LSAMP: variants seen among roughly 807,000 people sequenced by gnomAD.
LSAMP encodes the protein limbic system associated membrane protein, also known as limbic system-associated membrane protein.
A neutral mutation model predicts 38.6 loss-of-function variants in LSAMP; 7 were observed. That is an observed-to-expected ratio of 0.18 (90% CI 0.10 to 0.34). The LOEUF (loss-of-function observed/expected upper bound fraction) is 0.34, where lower values mean the gene tolerates loss of function less well. Among genes scored for constraint, LSAMP ranks in the 10% least tolerant of loss-of-function variants. The pLI is 1.00. For missense variants in LSAMP, 313 were observed against 420.0 expected (o/e 0.75, Z 2.23); for synonymous variants, 154 against 166.8 (o/e 0.92, Z 0.59).
intron 3 of LSAMP, among the ~76,000 whole-genome samples, chr3:115,873,378 GAAAAAAA>G (rs61243191): frequency 8.4e-6 from 1 of 119,380 alleles, no homozygotes; most frequent in South Asian, 2.7e-4. Flanking sequence ...GTGAGGCTCT[GAAAAAAA>G]AAAAAAAAAG....
intron 1 of LSAMP, among the ~76,000 whole-genome samples, chr3:116,184,676 T>C (rs1378166448): frequency 6.6e-6 from 1 of 151,972 alleles, no homozygotes; most frequent in Non-Finnish European, 1.5e-5. Flanking sequence ...GCTAACAGAC[T>C]CAGTTAACTG....
At position 115,828,694 on chromosome 3, in the gene LSAMP, C is replaced by A. The variant is rs527896253; in HGVS notation, c.919+13151G>T. ...GCTTTATTCCTTTTAATTAAAAAGA[C>A]AAGACTGCCAATTACTTAAACCTAA... is the stretch of plus-strand genomic sequence containing the variant. On this transcript the variant is annotated intron_variant, in intron 6 of 6. Coordinates refer to ENST00000490035, the MANE Select transcript of LSAMP (RefSeq NM_002338.5). Among the ~76,000 whole-genome samples, 4 of 152,324 alleles carry A rather than the reference C, an allele frequency of 2.6e-5. No individual in the cohort carries two copies. In the South Asian group the frequency reaches 8.3e-4, roughly 32 times the overall value.
chr3:116,308,015 T>A (rs1248620896), intron 1 of LSAMP, among the ~76,000 whole-genome samples: 1 of 151,970 alleles, frequency 6.6e-6, no homozygotes, highest in Non-Finnish European at 1.5e-5. Context: ...AGATGTTTAA[T>A]GCATTCGTAA....
At chr3:115,953,983 C>A (rs949148207) in intron 3 of LSAMP, among the ~76,000 whole-genome samples, 13 of 152,140 alleles carry the variant, frequency 8.5e-5, no homozygotes, top group Middle Eastern at 3.2e-3. Flanking sequence ...AAAGCAAATG[C>A]CCCTGCACTC....
intron 1 of LSAMP, among the ~76,000 whole-genome samples, chr3:116,234,175 T>C (rs1189892391): frequency 1.3e-5 from 2 of 152,224 alleles, no homozygotes; most frequent in East Asian, 1.9e-4. Flanking sequence ...TTTTCTGTTG[T>C]ATATGTTGAA....
At chr3:116,232,091 C>T (rs2046407871) in intron 1 of LSAMP, among the ~76,000 whole-genome samples, 1 of 152,198 alleles carries the variant, frequency 6.6e-6, no homozygotes, top group Non-Finnish European at 1.5e-5. Context: ...AAAGTCAGGG[C>T]TCTAGTCTTG....
intron 1 of LSAMP, among the ~76,000 whole-genome samples, chr3:116,161,919 A>G (rs1354253191): frequency 1.3e-5 from 2 of 152,004 alleles, no homozygotes; most frequent in African/African-American, 4.8e-5. Context: ...ACGTAGATTC[A>G]ATAGATGGAG....
At chr3:116,241,033 C>T (rs1179898459) in intron 1 of LSAMP, among the ~76,000 whole-genome samples, 11 of 151,928 alleles carry the variant, frequency 7.2e-5, no homozygotes, top group South Asian at 4.1e-4. Flanking sequence ...AACAATTAGC[C>T]GGGCATGGTG....
At chr3:116,406,891 T>A in intron 1 of LSAMP, among the ~76,000 whole-genome samples, 1 of 151,284 alleles carries the variant, frequency 6.6e-6, no homozygotes, top group East Asian at 1.9e-4. Flanking sequence ...TAGAAAGAGG[T>A]AAAAAGAGAA....
At chr3:115,915,413 A>C (rs1937228715) in intron 3 of LSAMP, among the ~76,000 whole-genome samples, 1 of 152,332 alleles carries the variant, frequency 6.6e-6, no homozygotes, top group South Asian at 2.1e-4. Flanking sequence ...TTTGATATCA[A>C]CTAGGTCAGT....
At chr3:116,313,597 T>C (rs893665244) in intron 1 of LSAMP, among the ~76,000 whole-genome samples, 1 of 152,180 alleles carries the variant, frequency 6.6e-6, no homozygotes, top group African/African-American at 2.4e-5. Flanking sequence ...AGGTCAAGGT[T>C]GGTTCATAGG....
At chr3:116,396,155 T>G (rs2048764226) in intron 1 of LSAMP, among the ~76,000 whole-genome samples, 1 of 152,212 alleles carries the variant, frequency 6.6e-6, no homozygotes, top group Non-Finnish European at 1.5e-5. Context: ...CAGGCTGATT[T>G]ACTGAAAACA....
chr3:116,412,368 C>T (rs1293134046), intron 1 of LSAMP, among the ~76,000 whole-genome samples: 2 of 152,054 alleles, frequency 1.3e-5, no homozygotes, highest in Non-Finnish European at 2.9e-5. Flanking sequence ...CATTCAGTCT[C>T]ACTATGCAGG....
chr3:115,957,915 T>C (rs1298725786), intron 3 of LSAMP, among the ~76,000 whole-genome samples: 1 of 152,110 alleles, frequency 6.6e-6, no homozygotes, highest in African/African-American at 2.4e-5. Flanking sequence ...CCAACATTTC[T>C]AGGTGTTTGC....
chr3:116,359,817 C>A (rs948647021), intron 1 of LSAMP, among the ~76,000 whole-genome samples: 1 of 152,030 alleles, frequency 6.6e-6, no homozygotes, highest in Non-Finnish European at 1.5e-5. Context: ...ATACCATATT[C>A]AAAAATAACT....
chr3:115,883,012 T>C (rs918353146), intron 3 of LSAMP, among the ~76,000 whole-genome samples: 1 of 152,072 alleles, frequency 6.6e-6, no homozygotes, highest in South Asian at 2.1e-4. Flanking sequence ...ATCTTCCATA[T>C]AGATAACTAT....
At chr3:115,820,994 C>T (rs2107465374) in intron 6 of LSAMP, among the ~76,000 whole-genome samples, 1 of 152,286 alleles carries the variant, frequency 6.6e-6, no homozygotes, top group Non-Finnish European at 1.5e-5. Flanking sequence ...ACCTTCCTGA[C>T]TAATAAAAAT....
intron 1 of LSAMP, among the ~76,000 whole-genome samples, chr3:116,262,841 C>T (rs968391760): frequency 1.3e-5 from 2 of 152,164 alleles, no homozygotes; most frequent in African/African-American, 4.8e-5. Context: ...AAGCAAGCCA[C>T]ATAACTTGCA....
chr3:116,083,810 T>C (rs1255693174), intron 2 of LSAMP, among the ~76,000 whole-genome samples: 1 of 152,104 alleles, frequency 6.6e-6, no homozygotes, highest in Non-Finnish European at 1.5e-5. Flanking sequence ...TAGAAATAAA[T>C]GGGAACAGTG....
Sources: gnomAD v4.1 joint callset for allele counts (sites outside exome capture counted in the v4.1 genomes callset) on GRCh38, gnomAD v4.1.1 for gene constraint, MANE v1.5 for transcripts, NCBI Gene and HGNC (gene_info 2026-07-23, HGNC 2026-07-21) for gene names.